VGLL4: variants seen among roughly 807,000 people sequenced by gnomAD.
VGLL4 encodes the protein transcription cofactor vestigial-like protein 4.
VGLL4 carries 7 observed loss-of-function variants against 21.0 expected under a neutral mutation model. The ratio of observed to expected loss-of-function variants is 0.33; its 90% CI spans 0.19 to 0.63. The LOEUF (loss-of-function observed/expected upper bound fraction) is 0.63. Ranked by LOEUF, VGLL4 falls within the 20% of genes least tolerant of loss-of-function variation. The pLI, the probability that VGLL4 is intolerant of heterozygous loss-of-function variation, is 0.78. For missense variants in VGLL4, 394 were observed against 425.7 expected, an observed-to-expected ratio of 0.93 and a Z score of 0.66; for synonymous variants, 222 against 173.2, an observed-to-expected ratio of 1.28 and a Z score of -2.21.
chr3:11,666,129 G>A (rs1046930225), intron 2 of VGLL4, among the ~76,000 whole-genome samples: 4 of 152,040 alleles, frequency 2.6e-5, no homozygotes, highest in Non-Finnish European at 5.9e-5. Flanking sequence ...GTGGGCGCCT[G>A]TAGTCCCAGC....
chr3:11,595,762 C>T (rs919764672), intron 2 of VGLL4, among the ~76,000 whole-genome samples: 1 of 151,276 alleles, frequency 6.6e-6, no homozygotes, highest in African/African-American at 2.4e-5. Flanking sequence ...CGCATGTTCT[C>T]ACTCATAGGT....
Position 11,669,800 on chromosome 3 carries a change from C to T in VGLL4, c.64+33171G>A, listed in dbSNP as rs369248048. On this transcript the variant is annotated intron_variant, in intron 2 of 5. Coordinates refer to the VGLL4 transcript ENST00000273038. ...TCCCAAGAAATCCTCCCATCTCAGC[C>T]TCCTGAATAGCTGGGACTACAGGGC... 2.3e-4 allele frequency among the ~76,000 whole-genome samples: 35 copies of T among 152,254 alleles called. No individual in the cohort carries two copies. In the East Asian group the frequency reaches 6.4e-3, roughly 28 times the overall value.
In VGLL4 at chr3:11,557,071, G is replaced by C. The variant is rs969030947; in HGVS notation, c.*1485C>G. On this transcript the variant is annotated 3_prime_UTR_variant, in exon 5 of 5. Transcript: ENST00000430365. ...GAGGTGACCACGCCCACGTCACCTGGTCAGGTGCCATCGTCGTGAGCCTCT... is the reference window on the plus strand; with the variant it reads ...GAGGTGACCACGCCCACGTCACCTGCTCAGGTGCCATCGTCGTGAGCCTCT... 1.3e-5 allele frequency: 2 copies of C among 152,448 alleles called. No individual in the cohort carries two copies. Among genetic ancestry groups the C allele is most frequent in the East Asian group, 3.8e-4 (2 of 5,324 alleles). 9.4% of individuals were successfully genotyped at this position (152,448 alleles called of 1,614,324 possible).
intron 2 of VGLL4, among the ~76,000 whole-genome samples, chr3:11,685,443 T>G (rs2076433287): frequency 6.6e-6 from 1 of 152,044 alleles, no homozygotes. Context: ...GTGATCTGCC[T>G]GCCTTGGCCT....
rs779424526 is a variant in VGLL4 at position 11,602,004 on chromosome 3, C to T, written c.101G>A (p.Gly34Glu). 12 of 1,573,564 alleles carry T rather than the reference C, an allele frequency of 7.6e-6. No individual in the cohort carries two copies. In the South Asian group the frequency reaches 1.3e-4, roughly 17 times the overall value. The change falls in exon 2 of 5, where the codon GGA becomes GAA. Residue 34 changes from glycine (G) to glutamate (E), a missense_variant. By Grantham distance (98) the Gly-to-Glu change is moderately conservative. Transcript: ENST00000430365. ...LCYEGEAALRGEPRIQTLPVA... is the reference protein window; with the variant it reads ...LCYEGEAALREEPRIQTLPVA... ...CGGCAGGGTCTGTATTCTGGGTTCT[C>T]CCCTGAGAGCAGCTTCGCCTACGCA... is the stretch of plus-strand genomic sequence containing the variant.
intron 2 of VGLL4, among the ~76,000 whole-genome samples, chr3:11,681,387 C>CT (rs1052112139): frequency 2.0e-5 from 3 of 152,194 alleles, no homozygotes; most frequent in African/African-American, 7.2e-5. Context: ...CCCAGTGTGC[C>CT]TTTCTTCATT....
chr3:11,645,197 A>C (rs1205465011), upstream of VGLL4, among the ~76,000 whole-genome samples: 2 of 140,390 alleles, frequency 1.4e-5, no homozygotes, highest in South Asian at 2.3e-4. Flanking sequence ...TAGAAAAAAA[A>C]AAAACAAAAA....
intron 1 of VGLL4, among the ~76,000 whole-genome samples, chr3:11,619,173 CT>C (rs1308940650): frequency 2.6e-5 from 4 of 152,220 alleles, no homozygotes; most frequent in Admixed American, 6.5e-5. Flanking sequence ...TTGCCCTGCA[CT>C]TCAAAGGTAC....
intron 1 of VGLL4, among the ~76,000 whole-genome samples, chr3:11,703,541 G>A (rs186553632): frequency 2.6e-4 from 39 of 152,240 alleles, no homozygotes; most frequent in African/African-American, 7.0e-4. Flanking sequence ...ATGTTAAAAC[G>A]TCATGTTTTG....
rs2125266711 is a variant in VGLL4, at chr3:11,601,859, T to C, written c.246A>G (p.Lys82=). ...GATGGGGGTTGAAGATGCGACTCAT[T>C]TTGGAGACGTGGTCGTTGTCACAGT... ...DLDCDNDHVS[K]MSRIFNPHLN... The change falls in exon 2 of 5, where the codon AAA becomes AAG. Residue 82 remains lysine, a synonymous_variant. Transcript: ENST00000430365. 2 of 1,613,618 alleles carry C rather than the reference T, an allele frequency of 1.2e-6. No homozygotes were observed. The highest frequency in any genetic ancestry group is 1.1e-5 in the South Asian group (1 of 91,040).
intron 2 of VGLL4, among the ~76,000 whole-genome samples, chr3:11,584,924 C>T (rs1376745661): frequency 6.6e-6 from 1 of 151,146 alleles, no homozygotes; most frequent in Non-Finnish European, 1.5e-5. Flanking sequence ...ACCCAGGGAT[C>T]CACCACCACC....
intron 2 of VGLL4, among the ~76,000 whole-genome samples, chr3:11,666,021 C>CG (rs2076119089): frequency 6.6e-6 from 1 of 151,970 alleles, no homozygotes; most frequent in Non-Finnish European, 1.5e-5. Flanking sequence ...GAGGCCGAGG[C>CG]GGGCGGATCA....
intron 2 of VGLL4, among the ~76,000 whole-genome samples, chr3:11,657,311 A>G (rs1210246274): frequency 1.3e-5 from 2 of 152,202 alleles, no homozygotes; most frequent in Non-Finnish European, 2.9e-5. Flanking sequence ...GTCATGTTTT[A>G]TAGAATACAC....
chr3:11,633,701 CAG>C (rs2075531399), intron 1 of VGLL4: 1 of 152,174 alleles, frequency 6.6e-6, no homozygotes, highest in Non-Finnish European at 1.5e-5. Context: ...GAAAAGAAGG[CAG>C]AGGAGAGGAG....
intron 1 of VGLL4, chr3:11,710,650 G>A (rs1015323270): frequency 1.3e-5 from 2 of 152,126 alleles, no homozygotes; most frequent in African/African-American, 4.8e-5. Flanking sequence ...ATTCCTGTTG[G>A]CCCTGTTCCT....
intron 2 of VGLL4, among the ~76,000 whole-genome samples, chr3:11,596,311 A>G (rs2074638654): frequency 6.6e-6 from 1 of 152,240 alleles, no homozygotes; most frequent in African/African-American, 2.4e-5. Flanking sequence ...GAGAAAAGGG[A>G]AAGTAACTCT....
chr3:11,585,725 T>C (rs55916571), intron 2 of VGLL4, among the ~76,000 whole-genome samples: 19,898 of 152,260 alleles, frequency 0.13, 1,687 homozygotes, highest in East Asian at 0.25. Context: ...AGAGCAGGCA[T>C]GAGGTGTTTA....
chr3:11,584,203 A>G (rs2074308234), intron 2 of VGLL4, among the ~76,000 whole-genome samples: 1 of 152,254 alleles, frequency 6.6e-6, no homozygotes, highest in Admixed American at 6.5e-5. Flanking sequence ...AAGAGTCGTA[A>G]CATATCAAGA....
At chr3:11,634,702 G>A (rs1342259046) in intron 1 of VGLL4, among the ~76,000 whole-genome samples, 1 of 149,964 alleles carries the variant, frequency 6.7e-6, no homozygotes, top group Admixed American at 6.7e-5. Flanking sequence ...TTTTGAGACC[G>A]AGTCTCACTC....
Sources: allele counts gnomAD v4.1 joint callset (sites outside exome capture counted in the v4.1 genomes callset), GRCh38; gene constraint gnomAD v4.1.1; transcripts MANE v1.5; gene names NCBI Gene and HGNC (gene_info 2026-07-23, HGNC 2026-07-21).